The following DGKB variants were observed in gnomAD, a reference collection of about 807,000 sequenced individuals.
The protein encoded by DGKB is 90 kDa diacylglycerol kinase.
A neutral mutation model predicts 114.3 loss-of-function variants in DGKB; 67 were observed. The ratio of observed to expected loss-of-function variants is 0.59; its 90% CI spans 0.48 to 0.72. The LOEUF (loss-of-function observed/expected upper bound fraction) is 0.72, where lower values mean the gene tolerates loss of function less well. Ranked by LOEUF, DGKB falls within the 30% of genes least tolerant of loss-of-function variation. The pLI, the probability that DGKB is intolerant of heterozygous loss-of-function variation, is 0.00. For missense variants in DGKB, 907 were observed against 975.2 expected (o/e 0.93, Z 0.93); for synonymous variants, 398 against 323.1 (o/e 1.23, Z -2.49).
intron 1 of DGKB, among the ~76,000 whole-genome samples, chr7:14,911,267 A>C (rs1265857843): frequency 6.6e-6 from 1 of 152,144 alleles, no homozygotes; most frequent in Middle Eastern, 3.2e-3. Context: ...TCACTGTATC[A>C]ATAAGTGTAG....
intron 25 of DGKB, among the ~76,000 whole-genome samples, chr7:14,159,706 G>C (rs144797879): frequency 6.6e-6 from 1 of 152,242 alleles, no homozygotes; most frequent in South Asian, 2.1e-4. Context: ...TCTTGCTCTT[G>C]CCACCCAGGA....
In DGKB at chr7:14,417,701, C is replaced by CTT. The variant is rs144571157; in HGVS notation, c.1835+60458_1835+60459dup. ...ATAAATTGCTTCTGGTGATTTTTTACTTTTTTTTTTAACTTGTACAGTATA... is the reference window on the plus strand; with the variant it reads ...ATAAATTGCTTCTGGTGATTTTTTACTTTTTTTTTTTTAACTTGTACAGTATA... On this transcript the variant is annotated intron_variant, in intron 21 of 25. Coordinates refer to ENST00000402815, the MANE Select transcript of DGKB (RefSeq NM_001350709.2). 1.3e-3 allele frequency among the ~76,000 whole-genome samples: 190 copies of CTT among 148,228 alleles called. 2 individuals are homozygous for CTT. Among genetic ancestry groups the CTT allele is most frequent in the Admixed American group, 1.0e-2 (148 of 14,840 alleles).
intron 21 of DGKB, among the ~76,000 whole-genome samples, chr7:14,466,288 G>T (rs1287012411): frequency 6.6e-6 from 1 of 152,194 alleles, no homozygotes; most frequent in Non-Finnish European, 1.5e-5. Context: ...GCCAGGTGTG[G>T]TGGCTCATGC....
At chr7:14,832,464 C>T (rs1846554452) in intron 2 of DGKB, among the ~76,000 whole-genome samples, 1 of 151,940 alleles carries the variant, frequency 6.6e-6, no homozygotes, top group South Asian at 2.1e-4. Context: ...TAAAGAGTAG[C>T]TTACATGTGT....
chr7:14,896,084 T>A (rs993454962), intron 1 of DGKB, among the ~76,000 whole-genome samples: 3 of 151,860 alleles, frequency 2.0e-5, no homozygotes, highest in African/African-American at 7.2e-5. Flanking sequence ...GGGAGTTTGA[T>A]CTAGAAACTA....
intron 21 of DGKB, among the ~76,000 whole-genome samples, chr7:14,453,543 G>A (rs1831836797): frequency 6.6e-6 from 1 of 152,040 alleles, no homozygotes; most frequent in Non-Finnish European, 1.5e-5. Flanking sequence ...CCCATTCACT[G>A]CATTTCTAAC....
At chr7:14,584,641 A>C (rs967950375) in intron 17 of DGKB, among the ~76,000 whole-genome samples, 6 of 151,818 alleles carry the variant, frequency 4.0e-5, no homozygotes, top group African/African-American at 1.5e-4. Context: ...TTTCTATTGA[A>C]TTGCCTTTTT....
At chr7:14,920,281 T>C (rs1283436377) in intron 1 of DGKB, among the ~76,000 whole-genome samples, 1 of 152,018 alleles carries the variant, frequency 6.6e-6, no homozygotes, top group Non-Finnish European at 1.5e-5. Context: ...TTAGTAAAAA[T>C]ATACAACGAA....
At chr7:14,810,262 C>T (rs971669561) in intron 2 of DGKB, among the ~76,000 whole-genome samples, 1 of 152,200 alleles carries the variant, frequency 6.6e-6, no homozygotes, top group Non-Finnish European at 1.5e-5. Flanking sequence ...GACCTATTGT[C>T]TAGTTTCTAC....
chr7:14,233,671 C>T (rs1427898002), intron 23 of DGKB, among the ~76,000 whole-genome samples: 2 of 151,906 alleles, frequency 1.3e-5, no homozygotes, highest in African/African-American at 2.4e-5. Context: ...AGTATAGCTG[C>T]GTGGAGGAGG....
intron 8 of DGKB, among the ~76,000 whole-genome samples, chr7:14,695,494 C>CTTTATTT (rs1823673783): frequency 1.3e-5 from 1 of 75,156 alleles, no homozygotes; most frequent in African/African-American, 5.9e-5. Context: ...CTCTCTCTCT[C>CTTTATTT]TTTTTTTTTT....
intron 25 of DGKB, among the ~76,000 whole-genome samples, chr7:14,169,366 A>AAAAAAAAG (rs1780497967): frequency 7.1e-6 from 1 of 141,532 alleles, no homozygotes; most frequent in Non-Finnish European, 1.5e-5. Flanking sequence ...CTCCGTCTCA[A>AAAAAAAAG]AAAAAAAAAA....
intron 21 of DGKB, among the ~76,000 whole-genome samples, chr7:14,362,681 T>C (rs1307994759): frequency 2.0e-5 from 3 of 152,152 alleles, no homozygotes; most frequent in Non-Finnish European, 4.4e-5. Flanking sequence ...ATGGAACAGT[T>C]AATCTAGTCA....
chr7:14,444,966 CTATT>C (rs1481958015), intron 21 of DGKB, among the ~76,000 whole-genome samples: 1 of 151,794 alleles, frequency 6.6e-6, no homozygotes, highest in Non-Finnish European at 1.5e-5. Context: ...AATATTATAA[CTATT>C]TAGTTACTAG....
At chr7:14,366,778 G>A (rs572375824) in intron 21 of DGKB, among the ~76,000 whole-genome samples, 4 of 152,224 alleles carry the variant, frequency 2.6e-5, no homozygotes, top group African/African-American at 9.6e-5. Flanking sequence ...GCTAGTAAAA[G>A]CTAAGTATCA....
chr7:14,903,725 G>A (rs1304551271), upstream of DGKB, among the ~76,000 whole-genome samples: 2 of 152,136 alleles, frequency 1.3e-5, no homozygotes, highest in Non-Finnish European at 1.5e-5. Context: ...ACCAATCAGG[G>A]CACAGATAAA....
At chr7:14,720,471 ATTTGTGTGTGTG>A (rs1453954474) in intron 5 of DGKB, among the ~76,000 whole-genome samples, 2 of 104,206 alleles carry the variant, frequency 1.9e-5, no homozygotes, top group Non-Finnish European at 1.9e-5. Context: ...CGCCCGGCTG[ATTTGTGTGTGTG>A]TGTGTGTGTG....
At chr7:14,418,359 ATATG>A (rs1416601013) in intron 21 of DGKB, among the ~76,000 whole-genome samples, 2 of 106,360 alleles carry the variant, frequency 1.9e-5, no homozygotes, top group African/African-American at 7.6e-5. Flanking sequence ...ATTCACATAT[ATATG>A]TGTGTGTGTA....
chr7:14,763,241 A>G (rs1835969039), intron 2 of DGKB, among the ~76,000 whole-genome samples: 2 of 152,082 alleles, frequency 1.3e-5, no homozygotes, highest in African/African-American at 4.8e-5. Context: ...ACTTATCCAC[A>G]AAATCTCTCA....
Sources: gnomAD v4.1 joint callset for allele counts (sites outside exome capture counted in the v4.1 genomes callset) on GRCh38, gnomAD v4.1.1 for gene constraint, MANE v1.5 for transcripts, NCBI Gene and HGNC (gene_info 2026-07-23, HGNC 2026-07-21) for gene names.